Variants in RARB observed in about 807,000 individuals in gnomAD.
RARB encodes the protein HBV-activated protein.
In RARB, 17 loss-of-function variants were observed where a neutral mutation model predicts 51.9. The ratio of observed to expected loss-of-function variants is 0.33; its 90% CI spans 0.22 to 0.49. RARB has a LOEUF of 0.49. RARB is among the 20% of genes least tolerant of loss of function. The pLI is 0.99. For synonymous variants in RARB, 215 were observed against 195.4 expected, an observed-to-expected ratio of 1.10 and a Z score of -0.84; for missense variants, 369 against 550.8, an observed-to-expected ratio of 0.67 and a Z score of 3.30.
rs73047729 is a variant in RARB at position 25,109,378 on chromosome 3, A to G, written c.-327-22783A>G. On this transcript the variant is annotated intron_variant, in intron 3 of 11. Transcript: ENST00000383772. Reference sequence around the variant, plus strand: ...AAGCATGGCCCACAGCATCTTTGGAACAAGCAGGGGCATTTTGGTACTATG... The same window carrying G: ...AAGCATGGCCCACAGCATCTTTGGAGCAAGCAGGGGCATTTTGGTACTATG... 7.9e-3 allele frequency among the ~76,000 whole-genome samples: 1,204 copies of G among 152,202 alleles called. 4 individuals carry two copies. Among genetic ancestry groups the G allele is most frequent in the Middle Eastern group, 0.024 (7 of 294 alleles).
chr3:25,412,427 G>A (rs537556041), intron 5 of RARB, among the ~76,000 whole-genome samples: 195 of 152,206 alleles, frequency 1.3e-3, no homozygotes, highest in Non-Finnish European at 2.5e-3. Flanking sequence ...GTTCTATGGT[G>A]ACTCACAGCT....
intron 5 of RARB, among the ~76,000 whole-genome samples, chr3:25,390,040 T>C (rs555723472): frequency 1.8e-4 from 27 of 152,174 alleles, no homozygotes; most frequent in Non-Finnish European, 2.9e-4. Flanking sequence ...GCTGAGGTTA[T>C]TTATCTTATC....
At chr3:24,859,013 G>A (rs1702685750) in intron 2 of RARB, among the ~76,000 whole-genome samples, 1 of 123,362 alleles carries the variant, frequency 8.1e-6, no homozygotes, top group Admixed American at 1.0e-4. Context: ...CTTCAGCCTG[G>A]ATGACAGAGC....
intron 5 of RARB, among the ~76,000 whole-genome samples, chr3:25,200,201 G>A (rs1258199300): frequency 6.6e-6 from 1 of 152,108 alleles, no homozygotes; most frequent in Non-Finnish European, 1.5e-5. Flanking sequence ...GGCCAGTGAT[G>A]ATGAGCATTG....
chr3:24,894,210 A>G (rs1261914481), intron 2 of RARB, among the ~76,000 whole-genome samples: 1 of 151,972 alleles, frequency 6.6e-6, no homozygotes, highest in Non-Finnish European at 1.5e-5. Context: ...AAATGATCCT[A>G]TCACCCAGGT....
At chr3:24,929,993 C>T (rs1011783335) in intron 2 of RARB, among the ~76,000 whole-genome samples, 3 of 151,980 alleles carry the variant, frequency 2.0e-5, no homozygotes, top group Non-Finnish European at 4.4e-5. Flanking sequence ...AGTATGATAG[C>T]TCAGTAAGTT....
At position 25,311,466 on chromosome 3, in the gene RARB, C is replaced by A. The variant is rs1451617817; in HGVS notation, c.178+136891C>A. 3.3e-5 allele frequency among the ~76,000 whole-genome samples: 5 copies of A among 152,358 alleles called. No individual in the cohort carries two copies. The South Asian group carries it at 1.0e-3, about 32-fold the overall frequency. ...GTAGCTAAAAAAGAACTTTGCAAAT[C>A]TGGACCTTTTCCTTTTGTCACATAT... On this transcript the variant is annotated intron_variant, in intron 5 of 11. Transcript: ENST00000383772.
intron 5 of RARB, among the ~76,000 whole-genome samples, chr3:25,227,038 T>C (rs1575234780): frequency 6.6e-6 from 1 of 152,348 alleles, no homozygotes; most frequent in Non-Finnish European, 1.5e-5. Flanking sequence ...TTTCGAGTTG[T>C]AGTCCACTAT....
At chr3:24,903,324 CTAG>C (rs1300309858) in intron 2 of RARB, among the ~76,000 whole-genome samples, 8 of 151,642 alleles carry the variant, frequency 5.3e-5, no homozygotes, top group Non-Finnish European at 7.4e-5. Context: ...AAGGGAAACA[CTAG>C]TATAAGAAAA....
chr3:25,354,413 G>T (rs1031827421), intron 5 of RARB, among the ~76,000 whole-genome samples: 1 of 152,058 alleles, frequency 6.6e-6, no homozygotes, highest in African/African-American at 2.4e-5. Flanking sequence ...GGGGTGGTCT[G>T]TTCTTCTCGT....
intron 3 of RARB, among the ~76,000 whole-genome samples, chr3:25,104,298 C>T (rs1024209701): frequency 6.6e-6 from 1 of 152,130 alleles, no homozygotes; most frequent in Non-Finnish European, 1.5e-5. Context: ...GGTAAAACCA[C>T]TTTGGAAATC....
intron 4 of RARB, among the ~76,000 whole-genome samples, chr3:25,137,567 A>C (rs753148707): frequency 2.6e-5 from 4 of 152,130 alleles, no homozygotes; most frequent in Admixed American, 6.6e-5. Flanking sequence ...TATTTTCCAC[A>C]TAGATGTTAA....
intron 2 of RARB, among the ~76,000 whole-genome samples, chr3:25,046,110 C>A (rs1698208004): frequency 1.3e-5 from 2 of 152,264 alleles, no homozygotes; most frequent in Non-Finnish European, 2.9e-5. Flanking sequence ...TGCAAACCCA[C>A]CATTTCTGGG....
chr3:24,983,290 T>A (rs1328549171), intron 2 of RARB, among the ~76,000 whole-genome samples: 2 of 152,140 alleles, frequency 1.3e-5, no homozygotes, highest in African/African-American at 4.8e-5. Flanking sequence ...TTTGTTTGTT[T>A]TTTTTTTCAC....
intron 3 of RARB, among the ~76,000 whole-genome samples, chr3:25,124,880 G>C (rs1379797434): frequency 1.3e-5 from 2 of 152,144 alleles, no homozygotes; most frequent in East Asian, 3.8e-4. Flanking sequence ...TTTTACAATA[G>C]ATTGGTCTTT....
intron 4 of RARB, among the ~76,000 whole-genome samples, chr3:25,152,680 T>A (rs35069077): frequency 0.094 from 14,297 of 152,262 alleles, 885 homozygotes; most frequent in South Asian, 0.24. Context: ...TACATTAAAC[T>A]GTTTAATATT....
intron 2 of RARB, among the ~76,000 whole-genome samples, chr3:24,972,882 T>C (rs1696431819): frequency 6.6e-6 from 1 of 152,068 alleles, no homozygotes; most frequent in African/African-American, 2.4e-5. Flanking sequence ...TGGTTAATAA[T>C]CCCTTGTCAT....
intron 5 of RARB, among the ~76,000 whole-genome samples, chr3:25,278,894 A>G (rs1478595627): frequency 6.6e-6 from 1 of 152,160 alleles, no homozygotes; most frequent in Non-Finnish European, 1.5e-5. Context: ...TTTCATTGTA[A>G]TGATTCTCAA....
At chr3:25,194,479 G>GTATATATATATATATACAGTAGTGTGTA (rs547029523) in intron 5 of RARB, among the ~76,000 whole-genome samples, 1 of 147,880 alleles carries the variant, frequency 6.8e-6, no homozygotes, top group African/African-American at 2.5e-5. Flanking sequence ...ACAGTAGTGT[G>GTATATATATATATATACAGTAGTGTGTA]TATATATATA....
Sources: gnomAD v4.1 joint callset for allele counts (sites outside exome capture counted in the v4.1 genomes callset) on GRCh38, gnomAD v4.1.1 for gene constraint, MANE v1.5 for transcripts, NCBI Gene and HGNC (gene_info 2026-07-23, HGNC 2026-07-21) for gene names.